CADPS2: variants seen among roughly 807,000 people sequenced by gnomAD.
CADPS2 encodes calcium-dependent secretion activator 2.
Under a neutral mutation model 172.5 loss-of-function variants are expected in CADPS2, and 93 were observed. That is an observed-to-expected ratio of 0.54 (90% confidence interval 0.46 to 0.64). CADPS2 has a LOEUF of 0.64. Ranked by LOEUF, CADPS2 falls within the 30% of genes least tolerant of loss-of-function variation. CADPS2 has a pLI of 0.00. For missense variants in CADPS2, 1,420 were observed against 1,565.9 expected (o/e 0.91, Z 1.57); for synonymous variants, 546 against 555.2 (o/e 0.98, Z 0.23).
intron 7 of CADPS2, among the ~76,000 whole-genome samples, chr7:122,555,813 T>C (rs1414309553): frequency 6.6e-6 from 1 of 152,098 alleles, no homozygotes; most frequent in Non-Finnish European, 1.5e-5. Context: ...ATTCTAATAC[T>C]AAAATGTTTT....
chr7:122,461,429 G>T (rs2054414543), intron 14 of CADPS2, among the ~76,000 whole-genome samples: 1 of 152,014 alleles, frequency 6.6e-6, no homozygotes, highest in African/African-American at 2.4e-5. Flanking sequence ...ATTCATATAT[G>T]TCCCAATCAC....
At chr7:122,509,742 G>C (rs1311399474) in intron 9 of CADPS2, among the ~76,000 whole-genome samples, 5 of 152,128 alleles carry the variant, frequency 3.3e-5, no homozygotes, top group African/African-American at 1.2e-4. Context: ...GCATAATCCT[G>C]AGTAAGTTCC....
At chr7:122,713,900 A>AT (rs2089190491) in intron 2 of CADPS2, among the ~76,000 whole-genome samples, 1 of 152,108 alleles carries the variant, frequency 6.6e-6, no homozygotes, top group Non-Finnish European at 1.5e-5. Context: ...CAGACCACCC[A>AT]TAAAAACAAA....
Position 122,474,446 on chromosome 7 carries a change from A to C in CADPS2, c.1933T>G (p.Phe645Val), listed in dbSNP as rs201536376. The change falls in exon 13 of 30, where the codon TTC becomes GTC. Residue 645 changes from phenylalanine to valine, a missense_variant. By Grantham distance (50) the Phe-to-Val change is conservative. Transcript: ENST00000449022. ...SANPCKLDHA[F>V]LFRILQRQTL... ...TGCCTCTGGAGTATTCTAAAAAGGA[A>C]GGCATGATCAAGCTTGCAGGGGTTT... 6.8e-4 allele frequency: 1,095 copies of C among 1,613,490 alleles called. 2 individuals are homozygous for C. The highest frequency in any genetic ancestry group is 8.5e-4 in the Non-Finnish European group (1,001 of 1,179,646).
chr7:122,637,538 A>G (rs980193374), intron 3 of CADPS2, among the ~76,000 whole-genome samples: 4 of 151,986 alleles, frequency 2.6e-5, no homozygotes, highest in African/African-American at 9.7e-5. Flanking sequence ...TAAAATAGCT[A>G]TTTTGTCTTT....
At chr7:122,542,715 T>C (rs990777590) in intron 8 of CADPS2, among the ~76,000 whole-genome samples, 1 of 152,086 alleles carries the variant, frequency 6.6e-6, no homozygotes, top group African/African-American at 2.4e-5. Context: ...ACTTTATTCA[T>C]TATTTTTTTT....
chr7:122,397,408 T>G (rs1180902298), intron 20 of CADPS2, among the ~76,000 whole-genome samples: 8 of 91,260 alleles, frequency 8.8e-5, no homozygotes, highest in Admixed American at 3.5e-4. Flanking sequence ...AAGGAGGGAG[T>G]GGGGGAGAAA....
At chr7:122,640,418 T>G (rs1295440034) in intron 3 of CADPS2, among the ~76,000 whole-genome samples, 2 of 151,830 alleles carry the variant, frequency 1.3e-5, no homozygotes, top group African/African-American at 4.8e-5. Context: ...TAATTATCTT[T>G]CTTTACTGAA....
chr7:122,514,805 A>G (rs766328186), intron 8 of CADPS2, among the ~76,000 whole-genome samples: 18 of 152,198 alleles, frequency 1.2e-4, no homozygotes, highest in Non-Finnish European at 2.1e-4. Flanking sequence ...TGCCAATGAA[A>G]TTATGTTTTT....
intron 14 of CADPS2, among the ~76,000 whole-genome samples, chr7:122,462,075 G>A (rs988047391): frequency 2.6e-5 from 4 of 152,222 alleles, no homozygotes; most frequent in Middle Eastern, 3.4e-3. Context: ...CCATTTATAG[G>A]AAAGTCCAAA....
chr7:122,382,717 G>T (rs560708497), intron 24 of CADPS2, among the ~76,000 whole-genome samples: 1 of 152,076 alleles, frequency 6.6e-6, no homozygotes, highest in Non-Finnish European at 1.5e-5. Context: ...ACTTTAGGAA[G>T]TCAAGGTGGG....
intron 29 of CADPS2, among the ~76,000 whole-genome samples, chr7:122,321,856 T>C (rs2032615517): frequency 6.6e-6 from 1 of 152,240 alleles, no homozygotes; most frequent in African/African-American, 2.4e-5. Context: ...TTATTACTAC[T>C]GATTTTTAAA....
In CADPS2 at chr7:122,320,343, A is replaced by G. The variant is rs752007219; in HGVS notation, c.3718-5T>C. 1.9e-6 allele frequency: 3 copies of G among 1,588,858 alleles called. No individual in the cohort carries two copies. The highest frequency in any genetic ancestry group is 2.3e-5 in the East Asian group (1 of 44,166). On this transcript the variant is annotated splice_polypyrimidine_tract_variant and splice_region_variant and intron_variant, in intron 29 of 29. Coordinates refer to ENST00000449022, the MANE Select transcript of CADPS2 (RefSeq NM_017954.11). Reference sequence around the variant, plus strand: ...TCGAAAGTCCCTGTAGGTTTTCTGAAGAAAGAAGATAAAATTTGCTTAGCT... The same window carrying G: ...TCGAAAGTCCCTGTAGGTTTTCTGAGGAAAGAAGATAAAATTTGCTTAGCT...
rs1043997035 is a variant in CADPS2, at chr7:122,886,407, G to T, written c.-70C>A. On this transcript the variant is annotated 5_prime_UTR_variant, in exon 1 of 30. Transcript: ENST00000449022. Reference sequence around the variant, plus strand: ...CTCACCCCCGGCGGCTGCGCCCGCGGGTCTGAGGGAGCCGCGGGGCTGGCT... The same window carrying T: ...CTCACCCCCGGCGGCTGCGCCCGCGTGTCTGAGGGAGCCGCGGGGCTGGCT... 6.3e-6 allele frequency: 9 copies of T among 1,434,614 alleles called. No individual in the cohort carries two copies. In the East Asian group the frequency reaches 2.7e-4, roughly 43 times the overall value. The allele number at this position is 1,434,614 out of a possible 1,614,324, so 88.9% of individuals were successfully genotyped here.
chr7:122,404,503 T>C (rs2046385275), intron 20 of CADPS2, among the ~76,000 whole-genome samples: 1 of 152,182 alleles, frequency 6.6e-6, no homozygotes, highest in Non-Finnish European at 1.5e-5. Flanking sequence ...TTTGGGTATA[T>C]ACCCAGTAAT....
chr7:122,623,423 G>A (rs112389932), intron 4 of CADPS2, among the ~76,000 whole-genome samples: 5,442 of 152,230 alleles, frequency 0.036, 125 homozygotes, highest in South Asian at 0.092. Flanking sequence ...TTTCAATGTC[G>A]TATGGAGGTG....
At chr7:122,855,711 T>G (rs1168391496) in intron 1 of CADPS2, among the ~76,000 whole-genome samples, 1 of 152,226 alleles carries the variant, frequency 6.6e-6, no homozygotes, top group Non-Finnish European at 1.5e-5. Context: ...ATGAAAAGAA[T>G]GCAGACTGCT....
chr7:122,477,960 G>A lies in CADPS2; in HGVS notation c.1861+2892C>T, dbSNP rs182241080. Among the ~76,000 whole-genome samples the A allele has an allele frequency of 6.6e-5, 10 of 152,172 alleles. No individual in the cohort carries two copies. In the East Asian group the frequency reaches 1.9e-3, roughly 29 times the overall value. ...CCTCCCTGCCATCTTTCACTTTAAA[G>A]TTATCTCATGAACTAATGTGAAATA... On this transcript the variant is annotated intron_variant, in intron 12 of 29. Transcript: ENST00000449022.
At chr7:122,631,078 C>T (rs2076534958) in intron 3 of CADPS2, among the ~76,000 whole-genome samples, 1 of 152,078 alleles carries the variant, frequency 6.6e-6, no homozygotes, top group Non-Finnish European at 1.5e-5. Context: ...TCCAGGTTAA[C>T]TGAAATCTCT....
Sources: allele counts gnomAD v4.1 joint callset (sites outside exome capture counted in the v4.1 genomes callset), GRCh38; gene constraint gnomAD v4.1.1; transcripts MANE v1.5; gene names NCBI Gene and HGNC (gene_info 2026-07-23, HGNC 2026-07-21).